CTNNA2: variants seen among roughly 807,000 people sequenced by gnomAD.
CTNNA2 encodes catenin alpha-2.
CTNNA2 carries 42 observed loss-of-function variants against 101.0 expected under a neutral mutation model. That is an observed-to-expected ratio of 0.42 (90% CI 0.32 to 0.54). CTNNA2 has a LOEUF of 0.54. Ranked by LOEUF, CTNNA2 falls within the 20% of genes least tolerant of loss-of-function variation. The probability of loss-of-function intolerance (pLI) is 0.14; values close to 1 mark genes in which losing one functional copy is unlikely to be tolerated. For synonymous variants in CTNNA2, 450 were observed against 456.4 expected, an observed-to-expected ratio of 0.99 and a Z score of 0.18; for missense variants, 871 against 1,223.1, an observed-to-expected ratio of 0.71 and a Z score of 4.29.
At chr2:79,209,371 C>T (rs1674140824) in intron 2 of CTNNA2, among the ~76,000 whole-genome samples, 1 of 152,138 alleles carries the variant, frequency 6.6e-6, no homozygotes, top group African/African-American at 2.4e-5. Flanking sequence ...TGACTGCTCT[C>T]CCTCTGGTGG....
chr2:80,162,889 T>G, intron 7 of CTNNA2: 3 of 1,583,128 alleles, frequency 1.9e-6, no homozygotes, highest in Non-Finnish European at 2.6e-6. Flanking sequence ...TTATCCCTAG[T>G]CCTTTCGTAC....
chr2:80,519,005 G>T (rs2149569367), intron 9 of CTNNA2, among the ~76,000 whole-genome samples: 1 of 152,120 alleles, frequency 6.6e-6, no homozygotes, highest in East Asian at 1.9e-4. Flanking sequence ...ATCTGGCATT[G>T]CTTAGAAGAA....
intron 7 of CTNNA2, among the ~76,000 whole-genome samples, chr2:80,319,029 C>T (rs541824077): frequency 2.0e-5 from 3 of 152,216 alleles, no homozygotes; most frequent in South Asian, 4.1e-4. Flanking sequence ...AAGGTATTAT[C>T]AAATAAAGAT....
At position 80,302,173 on chromosome 2, in the gene CTNNA2, C is replaced by T. The variant is rs1420735011; in HGVS notation, c.1057-91038C>T. Reference sequence around the variant, plus strand: ...CATATCAGAGCACAGACAAGGAGACCCCAGCCTGGTGCCCGCCGGCCCGTC... The same window carrying T: ...CATATCAGAGCACAGACAAGGAGACTCCAGCCTGGTGCCCGCCGGCCCGTC... On this transcript the variant is annotated intron_variant, in intron 7 of 18. Coordinates refer to ENST00000402739, the MANE Select transcript of CTNNA2 (RefSeq NM_001282597.3). The surrounding 1 kb of genome is among the most constrained non-coding windows in gnomAD (Gnocchi z 6.4). 8 of 1,542,782 alleles carry T rather than the reference C, an allele frequency of 5.2e-6. No individual in the cohort carries two copies. In the African/African-American group the frequency reaches 1.1e-4, roughly 21 times the overall value.
rs1676377846 is a variant in CTNNA2, at chr2:80,302,138, A to C, written c.1057-91073A>C. On this transcript the variant is annotated intron_variant, in intron 7 of 18. Transcript: ENST00000402739. This position sits in a 1 kb window ranked among gnomAD's most constrained non-coding sequence, Gnocchi z 6.4. Reference sequence around the variant, plus strand: ...CTGGGAGAGATCCCCTTAAAGTTTCAGTCAAGGAGCATATCAGAGCACAGA... The same window carrying C: ...CTGGGAGAGATCCCCTTAAAGTTTCCGTCAAGGAGCATATCAGAGCACAGA... 1 of 1,323,714 alleles carries C rather than the reference A, an allele frequency of 7.6e-7. No individual in the cohort carries two copies. 82.0% of individuals were successfully genotyped at this position (1,323,714 alleles called of 1,614,324 possible). A position where few individuals can be genotyped will look rare whatever the true frequency, so the allele number is the denominator to read the frequency against.
At chr2:80,287,134 G>C (rs115277450) in intron 7 of CTNNA2, among the ~76,000 whole-genome samples, 1 of 152,128 alleles carries the variant, frequency 6.6e-6, no homozygotes, top group Non-Finnish European at 1.5e-5. Context: ...AGCTGAGGGC[G>C]TCAAGAAAAG....
At chr2:79,626,097 T>G (rs1322347078) in intron 1 of CTNNA2, among the ~76,000 whole-genome samples, 1 of 152,306 alleles carries the variant, frequency 6.6e-6, no homozygotes, top group South Asian at 2.1e-4. Flanking sequence ...AAAACAAATC[T>G]CCTGTGGGAG....
intron 9 of CTNNA2, among the ~76,000 whole-genome samples, chr2:80,490,452 GAAATTCAGATT>G (rs893781146): frequency 1.8e-4 from 27 of 151,934 alleles, no homozygotes; most frequent in Admixed American, 1.8e-3. Context: ...TGAGGACATT[GAAATTCAGATT>G]TCATATAATT....
chr2:79,676,459 G>T (rs1683190774), intron 2 of CTNNA2, among the ~76,000 whole-genome samples: 1 of 152,142 alleles, frequency 6.6e-6, no homozygotes, highest in Admixed American at 6.5e-5. Flanking sequence ...GGTTTCAGGG[G>T]TCTAGGGTGG....
intron 2 of CTNNA2, among the ~76,000 whole-genome samples, chr2:79,214,652 G>C (rs1674222930): frequency 1.3e-5 from 2 of 152,022 alleles, no homozygotes; most frequent in South Asian, 4.1e-4. Flanking sequence ...GATGTCCTAT[G>C]CTTGTGGGTA....
At chr2:79,681,218 TA>T (rs1313227904) in intron 2 of CTNNA2, among the ~76,000 whole-genome samples, 1 of 152,168 alleles carries the variant, frequency 6.6e-6, no homozygotes, top group Non-Finnish European at 1.5e-5. Context: ...ACTTTTCTAC[TA>T]ATTTTTTTAG....
chr2:79,958,999 A>G (rs1689440890), intron 7 of CTNNA2, among the ~76,000 whole-genome samples: 1 of 152,116 alleles, frequency 6.6e-6, no homozygotes, highest in Non-Finnish European at 1.5e-5. Context: ...ATTCGCAAGG[A>G]TGTATTAATC....
chr2:79,664,188 T>C (rs963640418), intron 2 of CTNNA2, among the ~76,000 whole-genome samples: 6 of 152,236 alleles, frequency 3.9e-5, no homozygotes, highest in Non-Finnish European at 8.8e-5. Context: ...ATATATTGCA[T>C]ATGCATGTGT....
chr2:80,346,654 A>G (rs573854851), intron 7 of CTNNA2, among the ~76,000 whole-genome samples: 58 of 152,238 alleles, frequency 3.8e-4, no homozygotes, highest in Non-Finnish European at 7.4e-4. Flanking sequence ...TTTTATTGAT[A>G]AGGGGTTCAG....
At chr2:79,463,346 T>G (rs1670899349) in intron 4 of CTNNA2, among the ~76,000 whole-genome samples, 1 of 145,814 alleles carries the variant, frequency 6.9e-6, no homozygotes, top group South Asian at 2.1e-4. Context: ...AGGTGGAGGC[T>G]GCAGTGAGCC....
chr2:80,192,140 T>C (rs1455747411), intron 7 of CTNNA2, among the ~76,000 whole-genome samples: 1 of 152,230 alleles, frequency 6.6e-6, no homozygotes, highest in Admixed American at 6.5e-5. Context: ...ATTGCAGACA[T>C]AACTTTGGAG....
chr2:79,305,763 T>A (rs908145879), intron 2 of CTNNA2, among the ~76,000 whole-genome samples: 1 of 152,038 alleles, frequency 6.6e-6, no homozygotes, highest in Non-Finnish European at 1.5e-5. Context: ...ACAAGGCACT[T>A]GGCCGGGTGC....
At chr2:79,515,845 A>C (rs1457910952) in intron 1 of CTNNA2, among the ~76,000 whole-genome samples, 2 of 152,304 alleles carry the variant, frequency 1.3e-5, no homozygotes, top group East Asian at 1.9e-4. Context: ...TAAAGAGCCA[A>C]TAGAAGATCT....
rs148725787 is a variant in CTNNA2, at chr2:80,527,198, T to G, written c.1291-17784T>G. Among the ~76,000 whole-genome samples the G allele has an allele frequency of 1.5e-3, 221 of 152,324 alleles. 2 individuals are homozygous for G. The highest frequency in any genetic ancestry group is 4.6e-3 in the African/African-American group (192 of 41,586). ...CTCAGATAACTCACTTTCATAGAGTTGTAAGAAGTGATGACATGAGGATAA... is the reference window on the plus strand; with the variant it reads ...CTCAGATAACTCACTTTCATAGAGTGGTAAGAAGTGATGACATGAGGATAA... On this transcript the variant is annotated intron_variant, in intron 9 of 18. Coordinates refer to ENST00000402739, the MANE Select transcript of CTNNA2 (RefSeq NM_001282597.3).
Sources: allele counts gnomAD v4.1 joint callset (sites outside exome capture counted in the v4.1 genomes callset), GRCh38; gene constraint gnomAD v4.1.1; non-coding constraint Gnocchi (gnomAD v3.1); transcripts MANE v1.5; gene names NCBI Gene and HGNC (gene_info 2026-07-23, HGNC 2026-07-21).